TTI1: variants seen among roughly 807,000 people sequenced by gnomAD.
TTI1 encodes TELO2 interacting protein 1.
A neutral mutation model predicts 85.4 loss-of-function variants in TTI1; 52 were observed. That is an observed-to-expected ratio of 0.61 (90% CI 0.49 to 0.77). The LOEUF is 0.77. TTI1 is among the 30% of genes least tolerant of loss of function. TTI1 has a pLI of 0.00. For synonymous variants in TTI1, 512 were observed against 503.9 expected, an observed-to-expected ratio of 1.02 and a Z score of -0.22; for missense variants, 1,173 against 1,296.0, an observed-to-expected ratio of 0.91 and a Z score of 1.46.
At chr20:38,033,127 G>A (rs756617349) in intron 1 of TTI1, among the ~76,000 whole-genome samples, 9 of 152,152 alleles carry the variant, frequency 5.9e-5, no homozygotes, top group Non-Finnish European at 1.0e-4. Context: ...GGTGAGAAAG[G>A]GGATGTCACT....
intron 1 of TTI1, among the ~76,000 whole-genome samples, chr20:38,026,864 G>T (rs138960272): frequency 1.6e-4 from 25 of 152,310 alleles, no homozygotes; most frequent in African/African-American, 6.0e-4. Flanking sequence ...AATGTATGTA[G>T]AGAAAATGTT....
At chr20:38,014,755 T>C (rs530635534) in intron 1 of TTI1, among the ~76,000 whole-genome samples, 96 of 151,196 alleles carry the variant, frequency 6.3e-4, no homozygotes, top group Non-Finnish European at 1.2e-3. Flanking sequence ...CAACTCAATA[T>C]CCAAGAGTCT....
chr20:37,997,141 A>C (rs2122513079), intron 5 of TTI1, among the ~76,000 whole-genome samples, 188 bp from the exon 6 acceptor site: 1 of 152,208 alleles, frequency 6.6e-6, no homozygotes, highest in South Asian at 2.1e-4. Context: ...TCTGCTCCCA[A>C]GGCATGGCTG....
chr20:37,995,215 TA>T (rs2122505146), intron 7 of TTI1, among the ~76,000 whole-genome samples: 1 of 152,226 alleles, frequency 6.6e-6, no homozygotes, highest in African/African-American at 2.4e-5. Flanking sequence ...ATTCTGGGAC[TA>T]AGGGATGTGA....
At chr20:38,021,675 G>T (rs148520778) in intron 1 of TTI1, among the ~76,000 whole-genome samples, 1 of 152,146 alleles carries the variant, frequency 6.6e-6, no homozygotes, top group Admixed American at 6.5e-5. Flanking sequence ...TGTGGTCCTG[G>T]AAAGTAGTTG....
intron 3 of TTI1, among the ~76,000 whole-genome samples, chr20:38,004,548 G>A (rs1346241219): frequency 6.6e-6 from 1 of 152,208 alleles, no homozygotes; most frequent in African/African-American, 2.4e-5. Flanking sequence ...CTCATGTCAA[G>A]CCAGCACTGA....
rs767378642 is a variant in TTI1 at position 38,012,395 on chromosome 20, T to C, written c.1422A>G (p.Arg474=). ...TCTCATCAGTGAAGAAGCGGAAATA[T>C]CTCCTCTGGATGCGGTTCCAAGGCT... ...ATQPWNRIQR[R]YFRFFTDERI... Residue 474 remains arginine, a synonymous_variant, in exon 2 of 8, where the codon AGA becomes AGG. Coordinates refer to ENST00000373447, the MANE Select transcript of TTI1 (RefSeq NM_001303457.2). The C allele has an allele frequency of 2.9e-5, 47 of 1,614,070 alleles. No homozygotes were observed. Among genetic ancestry groups the C allele is most frequent in the Middle Eastern group, 3.3e-4 (2 of 6,084 alleles).
At chr20:37,996,315 A>G in intron 7 of TTI1, 60 bp downstream of exon 7, 1 of 1,579,060 alleles carries the variant, frequency 6.3e-7, no homozygotes, top group Non-Finnish European at 8.7e-7. Flanking sequence ...GCTTGCCATT[A>G]GCAAATCATC....
intron 1 of TTI1, among the ~76,000 whole-genome samples, chr20:38,025,861 G>T (rs1178407851): frequency 6.6e-6 from 1 of 152,274 alleles, no homozygotes; most frequent in South Asian, 2.1e-4. Context: ...AAATCTGTGA[G>T]CTGGAAGATG....
intron 3 of TTI1, among the ~76,000 whole-genome samples, chr20:38,005,075 T>C (rs1230324631): frequency 6.6e-6 from 1 of 152,098 alleles, no homozygotes; most frequent in Non-Finnish European, 1.5e-5. Context: ...GTGAGTGGCA[T>C]CAAGCTACTA....
At chr20:38,024,110 A>T (rs1478168213) in intron 1 of TTI1, among the ~76,000 whole-genome samples, 1 of 152,184 alleles carries the variant, frequency 6.6e-6, no homozygotes, top group Non-Finnish European at 1.5e-5. Context: ...CATTTCTAAA[A>T]AAGGGATTCT....
In TTI1 at chr20:37,996,654, G is replaced by C. The variant is rs897616699; in HGVS notation, c.2998+95C>G. ...TAAGACGGAAGGAGGTACACAGAGG[G>C]GAGGGGAGGGGGGCACGACTGAGCA... is the stretch of plus-strand genomic sequence containing the variant. On this transcript the variant is annotated intron_variant, in intron 6 of 7. Transcript: ENST00000373447. 4.2e-6 allele frequency: 6 copies of C among 1,438,004 alleles called. No individual in the cohort carries two copies. The African/African-American group carries it at 8.4e-5, about 20-fold the overall frequency. The allele number at this position is 1,438,004 out of a possible 1,614,324, so 89.1% of individuals were successfully genotyped here. A position where few individuals can be genotyped will look rare whatever the true frequency, so the allele number is the denominator to read the frequency against.
rs751630314 is a variant in TTI1 at position 38,011,620 on chromosome 20, A to G, written c.2197T>C (p.Leu733=). 7 of 1,614,244 alleles carry G rather than the reference A, an allele frequency of 4.3e-6. No individual in the cohort carries two copies. The East Asian group carries it at 1.6e-4, about 36-fold the overall frequency. The stretch of plus-strand genomic sequence containing the variant: ...ACATCTTGAACCACATCTGCCACCA[A>G]AGGAAGCAGGTTAGCATCTGAGTTC... The part of the protein sequence containing the change: ...LRNSDANLLP[L]VADVVQDVLA... Residue 733 remains leucine (L), a synonymous_variant, in exon 2 of 8, where the codon TTG becomes CTG. Transcript: ENST00000373447.
rs751704943 is a variant in TTI1 at position 37,996,770 on chromosome 20, G to A, written c.2977C>T (p.Leu993Phe). 28 of 1,611,938 alleles carry A rather than the reference G, an allele frequency of 1.7e-5. 1 individual carries two copies. The South Asian group carries it at 3.0e-4, about 17-fold the overall frequency. Residue 993 changes from leucine (L) to phenylalanine (F), a missense_variant, in exon 6 of 8, where the codon CTC (leucine) becomes TTC (phenylalanine). Physicochemically the swap from Leu to Phe is conservative, Grantham distance 22. Coordinates refer to ENST00000373447, the MANE Select transcript of TTI1 (RefSeq NM_001303457.2). ...QLAVLQGLGP[L>F]CERLDLGEGD... ...CCACCTAGGTCCAGTCTCTCACAGA[G>A]GGGGCCCAGGCCCTGTAAGACAGCC...
chr20:38,020,378 C>T (rs1172914202), intron 1 of TTI1, among the ~76,000 whole-genome samples: 1 of 125,114 alleles, frequency 8.0e-6, no homozygotes, highest in African/African-American at 3.1e-5. Context: ...TCCATCACAT[C>T]CTATTTAAAT....
Position 38,013,518 on chromosome 20 carries a change from A to G in TTI1, c.299T>C (p.Leu100Pro). ...QELLQELFSE[L>P]SACLYSPSSQ... ...GCTGGGTGAATACAGACAAGCAGAGAGTTCTGAAAAGAGTTCCTGGAGAAG... is the reference window on the plus strand; with the variant it reads ...GCTGGGTGAATACAGACAAGCAGAGGGTTCTGAAAAGAGTTCCTGGAGAAG... Residue 100 changes from leucine to proline, a missense_variant, in exon 2 of 8, where the codon CTC (leucine) becomes CCC (proline). Transcript: ENST00000373447. The G allele has an allele frequency of 3.7e-6, 6 of 1,614,120 alleles. No homozygotes were observed. Among genetic ancestry groups the G allele is most frequent in the Non-Finnish European group, 5.1e-6 (6 of 1,180,040 alleles).
In TTI1 at chr20:38,012,612, G is replaced by A. The variant is rs200453222; in HGVS notation, c.1205C>T (p.Ser402Phe). The part of the protein sequence containing the change: ...QDDQGKFSTL[S>F]LLLGYLKLLG... ...GAGTTTCAGATAACCAAGTAACAAG[G>A]AAAGAGTAGAGAATTTGCCCTGGTC... The change falls in exon 2 of 8, where the codon TCC (serine) becomes TTC (phenylalanine). Residue 402 changes from serine (S) to phenylalanine (F), a missense_variant. By Grantham distance (155) the Ser-to-Phe change is radical (BLOSUM62 -2). Transcript: ENST00000373447. The A allele has an allele frequency of 5.4e-4, 867 of 1,614,168 alleles. 4 individuals are homozygous for A. The highest frequency in any genetic ancestry group is 4.9e-3 in the South Asian group (443 of 91,074).
chr20:38,017,570 C>G (rs1436204367), intron 1 of TTI1, among the ~76,000 whole-genome samples: 1 of 152,184 alleles, frequency 6.6e-6, no homozygotes, highest in South Asian at 2.1e-4. Flanking sequence ...TGGGGCTGGA[C>G]AGACAAAACT....
intron 7 of TTI1, among the ~76,000 whole-genome samples, chr20:37,995,098 C>T (rs961529516): frequency 3.3e-5 from 5 of 152,136 alleles, no homozygotes; most frequent in African/African-American, 2.4e-5. Context: ...CCAGGGGCAC[C>T]GCCCAGGGAG....
Sources: gnomAD v4.1 joint callset for allele counts (sites outside exome capture counted in the v4.1 genomes callset) on GRCh38, gnomAD v4.1.1 for gene constraint, MANE v1.5 for transcripts, NCBI Gene and HGNC (gene_info 2026-07-23, HGNC 2026-07-21) for gene names.